TECRL: variants seen among roughly 807,000 people sequenced by gnomAD.
TECRL encodes the protein trans-2,3-enoyl-CoA reductase like, also known as trans-2,3-enoyl-CoA reductase-like.
In TECRL, 63 loss-of-function variants were observed where a neutral mutation model predicts 52.8. The ratio of observed to expected loss-of-function variants is 1.19; its 90% CI spans 0.97 to 1.47. TECRL has a LOEUF of 1.47. Ranked by LOEUF, TECRL falls within the 40% of genes most tolerant of loss-of-function variation. The pLI, the probability that TECRL is intolerant of heterozygous loss-of-function variation, is 0.00. For synonymous variants in TECRL, 164 were observed against 141.9 expected (o/e 1.16, Z -1.10); for missense variants, 482 against 429.6 (o/e 1.12, Z -1.08).
chr4:64,344,623 A>T (rs2109543634), intron 2 of TECRL, among the ~76,000 whole-genome samples: 1 of 152,332 alleles, frequency 6.6e-6, no homozygotes, highest in African/African-American at 2.4e-5. Context: ...AGTGTAATTT[A>T]AAATTAAGGT....
At chr4:64,389,083 A>T (rs1237608181) in intron 1 of TECRL, among the ~76,000 whole-genome samples, 1 of 151,730 alleles carries the variant, frequency 6.6e-6, no homozygotes, top group Non-Finnish European at 1.5e-5. Context: ...AAGACTTTTA[A>T]TTTTTCCTTG....
intron 2 of TECRL, among the ~76,000 whole-genome samples, chr4:64,338,652 C>T (rs556455563): frequency 6.6e-6 from 1 of 152,304 alleles, no homozygotes; most frequent in South Asian, 2.1e-4. Flanking sequence ...CAAAAGAAGA[C>T]ATTTATGCAT....
intron 1 of TECRL, among the ~76,000 whole-genome samples, chr4:64,408,058 A>G (rs542824392): frequency 2.6e-4 from 39 of 151,886 alleles, no homozygotes; most frequent in African/African-American, 8.9e-4. Flanking sequence ...GTGCACTAAT[A>G]AAAGGTCTTA....
At chr4:64,394,825 C>G (rs546005852) in intron 1 of TECRL, among the ~76,000 whole-genome samples, 415 of 151,476 alleles carry the variant, frequency 2.7e-3, no homozygotes, top group African/African-American at 9.3e-3. Context: ...GTAGGAAACA[C>G]TGAGCTCTTT....
At chr4:64,288,230 C>T (rs545048179) in intron 9 of TECRL, among the ~76,000 whole-genome samples, 90 of 151,956 alleles carry the variant, frequency 5.9e-4, no homozygotes, top group African/African-American at 2.0e-3. Context: ...GACATTTGGC[C>T]CAAGAACCGC....
chr4:64,364,475 A>T (rs1721452362), intron 2 of TECRL, among the ~76,000 whole-genome samples: 1 of 152,044 alleles, frequency 6.6e-6, no homozygotes, highest in Non-Finnish European at 1.5e-5. Context: ...CCAAAAGTTT[A>T]TTTTTTAAAA....
At chr4:64,305,630 A>G (rs1724291950) in intron 6 of TECRL, among the ~76,000 whole-genome samples, 1 of 152,182 alleles carries the variant, frequency 6.6e-6, no homozygotes, top group Non-Finnish European at 1.5e-5. Context: ...AGAGGCACAG[A>G]CAAGGACTGA....
At chr4:64,368,757 C>T (rs1450837878) in intron 2 of TECRL, among the ~76,000 whole-genome samples, 1 of 152,102 alleles carries the variant, frequency 6.6e-6, no homozygotes, top group South Asian at 2.1e-4. Context: ...GGGAATTCCA[C>T]AGCCTTGTCC....
At chr4:64,319,616 A>G (rs974608903) in intron 4 of TECRL, among the ~76,000 whole-genome samples, 1 of 151,868 alleles carries the variant, frequency 6.6e-6, no homozygotes, top group African/African-American at 2.4e-5. Flanking sequence ...ATCCCAGATA[A>G]ATTTTTTAAA....
rs1211359374 is a variant in TECRL at position 64,363,013 on chromosome 4, T to TGA, written c.286+12158_286+12159insTC. On this transcript the variant is annotated intron_variant, in intron 2 of 11. Transcript: ENST00000381210. ...AATGGAGACAGATATATCAGGCACA[T>TGA]AAAAAAAAAAAAAGAAGTGGTTGCT... Among the ~76,000 whole-genome samples, 623 of 141,624 alleles carry TGA rather than the reference T, an allele frequency of 4.4e-3. 3 individuals carry two copies. Among genetic ancestry groups the TGA allele is most frequent in the African/African-American group, 0.016 (602 of 38,710 alleles). The allele number at this position is 141,624 out of a possible 152,430, so 92.9% of individuals were successfully genotyped here.
chr4:64,352,326 G>A (rs1720456981), intron 2 of TECRL, among the ~76,000 whole-genome samples: 1 of 152,122 alleles, frequency 6.6e-6, no homozygotes. Context: ...AGAGTCTTGA[G>A]TCATCATTAA....
At chr4:64,358,905 C>T (rs74922091) in intron 2 of TECRL, among the ~76,000 whole-genome samples, 8 of 151,514 alleles carry the variant, frequency 5.3e-5, no homozygotes, top group East Asian at 1.9e-4. Flanking sequence ...TTTTAGGAAA[C>T]GTGAAAAATA....
chr4:64,300,431 G>A (rs1267692422), intron 7 of TECRL, among the ~76,000 whole-genome samples: 3 of 150,352 alleles, frequency 2.0e-5, no homozygotes, highest in Non-Finnish European at 4.5e-5. Flanking sequence ...TTTGTCACAG[G>A]TAGAATTATA....
Position 64,322,784 on chromosome 4 carries a change from A to G in TECRL, c.340T>C (p.Phe114Leu). ...VGLQLECGGP[F>L]LKDYITIQSI... ...TGAATGGTAATGTAGTCCTTCAAAA[A>G]AGGCCCGCCTAAAATAAAAATAACA... Residue 114 changes from phenylalanine (F) to leucine (L), a missense_variant, in exon 4 of 12, where the codon TTT (phenylalanine) becomes CTT (leucine). By Grantham distance (22) the Phe-to-Leu change is conservative (BLOSUM62 0). Coordinates refer to ENST00000381210, the MANE Select transcript of TECRL (RefSeq NM_001010874.5). 1 of 1,600,648 alleles carries G rather than the reference A, an allele frequency of 6.2e-7. No homozygotes were observed. The highest frequency in any genetic ancestry group is 8.5e-7 in the Non-Finnish European group (1 of 1,174,734).
intron 4 of TECRL, among the ~76,000 whole-genome samples, chr4:64,315,965 G>A (rs1717467603): frequency 6.7e-6 from 1 of 150,150 alleles, no homozygotes; most frequent in South Asian, 2.1e-4. Flanking sequence ...TCTCATTTGA[G>A]AGACTGTAGT....
At chr4:64,323,652 T>C (rs1326482183) in intron 3 of TECRL, among the ~76,000 whole-genome samples, 3 of 152,178 alleles carry the variant, frequency 2.0e-5, no homozygotes, top group East Asian at 3.9e-4. Context: ...CTGATGTTTG[T>C]TGAGATTAAG....
intron 2 of TECRL, among the ~76,000 whole-genome samples, 171 bp from the exon 3 acceptor site, chr4:64,328,727 C>T (rs145836319): frequency 6.6e-5 from 10 of 151,808 alleles, no homozygotes; most frequent in South Asian, 4.1e-4. Flanking sequence ...CCAGCAATGA[C>T]GGATAGTGAC....
At chr4:64,384,015 T>C (rs1723000256) in intron 1 of TECRL, among the ~76,000 whole-genome samples, 1 of 152,132 alleles carries the variant, frequency 6.6e-6, no homozygotes, top group Non-Finnish European at 1.5e-5. Context: ...ATTGTCTATG[T>C]GGTACTCAGA....
At chr4:64,308,750 A>G (rs1268689756) in intron 6 of TECRL, among the ~76,000 whole-genome samples, 1 of 152,206 alleles carries the variant, frequency 6.6e-6, no homozygotes, top group Non-Finnish European at 1.5e-5. Context: ...GAAGCATTTT[A>G]CAAATACTAT....
Sources: allele counts gnomAD v4.1 joint callset (sites outside exome capture counted in the v4.1 genomes callset), GRCh38; gene constraint gnomAD v4.1.1; transcripts MANE v1.5; gene names NCBI Gene and HGNC (gene_info 2026-07-23, HGNC 2026-07-21).